The following SCAPER variants were observed in gnomAD, a reference collection of about 807,000 sequenced individuals.
SCAPER encodes the protein S phase cyclin A-associated protein in the endoplasmic reticulum.
In SCAPER, 98 loss-of-function variants were observed where a neutral mutation model predicts 182.2. The ratio of observed to expected loss-of-function variants is 0.54; its 90% CI spans 0.46 to 0.64. The LOEUF (loss-of-function observed/expected upper bound fraction) is 0.64. SCAPER is among the 30% of genes least tolerant of loss of function. The pLI is 0.00. For synonymous variants in SCAPER, 605 were observed against 564.6 expected, an observed-to-expected ratio of 1.07 and a Z score of -1.01; for missense variants, 1,432 against 1,690.0, an observed-to-expected ratio of 0.85 and a Z score of 2.68.
At chr15:76,552,913 G>A (rs2045899588) in intron 23 of SCAPER, among the ~76,000 whole-genome samples, 1 of 152,162 alleles carries the variant, frequency 6.6e-6, no homozygotes, top group Non-Finnish European at 1.5e-5. Flanking sequence ...TTCTTACTGG[G>A]CCGCTTCCAA....
chr15:76,493,469 A>G (rs2052530836), intron 24 of SCAPER, among the ~76,000 whole-genome samples: 1 of 152,168 alleles, frequency 6.6e-6, no homozygotes, highest in Admixed American at 6.5e-5. Context: ...ACACCAATCT[A>G]ATTAGACTTT....
chr15:76,502,585 G>C (rs1041876678), intron 24 of SCAPER, among the ~76,000 whole-genome samples: 27 of 152,188 alleles, frequency 1.8e-4, no homozygotes, highest in Admixed American at 1.4e-3. Context: ...GGTGGGAGGA[G>C]GGGGGAGGGA....
chr15:76,558,570 T>C (rs1160404669), intron 23 of SCAPER, among the ~76,000 whole-genome samples: 5 of 152,152 alleles, frequency 3.3e-5, no homozygotes, highest in African/African-American at 1.2e-4. Flanking sequence ...TTATATACTG[T>C]TGGTGGGAAA....
At chr15:76,677,770 G>A (rs890163583) in intron 20 of SCAPER, among the ~76,000 whole-genome samples, 8 of 148,164 alleles carry the variant, frequency 5.4e-5, no homozygotes, top group Non-Finnish European at 8.9e-5. Flanking sequence ...ATAATTTACC[G>A]TATTCTATGA....
chr15:76,475,641 A>G (rs544395668), intron 24 of SCAPER, among the ~76,000 whole-genome samples: 1 of 152,250 alleles, frequency 6.6e-6, no homozygotes, highest in South Asian at 2.1e-4. Flanking sequence ...AGAGCAGGGA[A>G]ATTCTTTCTT....
chr15:76,665,885 G>T, intron 20 of SCAPER, 96 bp from the exon 21 acceptor site: 1 of 1,036,092 alleles, frequency 9.7e-7, no homozygotes, highest in Non-Finnish European at 1.3e-6. Flanking sequence ...GACATTTGAT[G>T]AAACTAAAAG....
intron 29 of SCAPER, among the ~76,000 whole-genome samples, chr15:76,360,784 G>A (rs114987474): frequency 0.031 from 4,708 of 152,240 alleles, 230 homozygotes; most frequent in African/African-American, 0.1. Flanking sequence ...ATTATCAGAT[G>A]TAAGAACTTG....
At chr15:76,813,088 G>C (rs149073375) in intron 5 of SCAPER, among the ~76,000 whole-genome samples, 9 of 151,834 alleles carry the variant, frequency 5.9e-5, no homozygotes, top group Non-Finnish European at 1.3e-4. Context: ...ATGAATCCCT[G>C]AGCTGCAAGG....
intron 26 of SCAPER, among the ~76,000 whole-genome samples, chr15:76,417,457 A>G (rs1303990181): frequency 1.3e-5 from 2 of 152,254 alleles, no homozygotes; most frequent in African/African-American, 4.8e-5. Context: ...TAGGTGCTGG[A>G]GGATTAACTG....
At chr15:76,568,959 C>T (rs2047243417) in intron 23 of SCAPER, among the ~76,000 whole-genome samples, 2 of 151,854 alleles carry the variant, frequency 1.3e-5, no homozygotes, top group African/African-American at 4.8e-5. Flanking sequence ...CTTATTTGTG[C>T]TATTTATCTG....
chr15:76,660,383 C>T (rs985793355), intron 21 of SCAPER, among the ~76,000 whole-genome samples: 3 of 152,048 alleles, frequency 2.0e-5, no homozygotes, highest in Non-Finnish European at 4.4e-5. Context: ...TACCCCTGAA[C>T]CTAAAATAAA....
At chr15:76,798,112 C>T (rs1238020588) in intron 7 of SCAPER, among the ~76,000 whole-genome samples, 1 of 152,052 alleles carries the variant, frequency 6.6e-6, no homozygotes, top group Non-Finnish European at 1.5e-5. Flanking sequence ...GTAATCCTAG[C>T]ACATTGGGAG....
intron 14 of SCAPER, among the ~76,000 whole-genome samples, chr15:76,756,991 C>G (rs2062474206): frequency 8.4e-6 from 1 of 118,610 alleles, no homozygotes; most frequent in South Asian, 3.4e-4. Context: ...TACACAGACT[C>G]TCTTCTGTAA....
intron 5 of SCAPER, among the ~76,000 whole-genome samples, chr15:76,813,103 T>C (rs1414764294): frequency 6.6e-6 from 1 of 151,182 alleles, no homozygotes; most frequent in Non-Finnish European, 1.5e-5. Context: ...GCAAGGATGG[T>C]TCAATACATG....
At chr15:76,569,201 T>C (rs1405139917) in intron 23 of SCAPER, among the ~76,000 whole-genome samples, 3 of 152,186 alleles carry the variant, frequency 2.0e-5, no homozygotes, top group Non-Finnish European at 4.4e-5. Context: ...GTAGATTCAA[T>C]TTGTCAGATT....
chr15:76,661,803 C>CA (rs754785119), intron 21 of SCAPER, among the ~76,000 whole-genome samples: 2 of 152,262 alleles, frequency 1.3e-5, no homozygotes, highest in East Asian at 3.9e-4. Context: ...ACCAGAAACA[C>CA]CATTTGATCT....
At chr15:76,635,835 A>T (rs2053548770) in intron 21 of SCAPER, among the ~76,000 whole-genome samples, 1 of 152,146 alleles carries the variant, frequency 6.6e-6, no homozygotes, top group South Asian at 2.1e-4. Context: ...GTTCCCCTTC[A>T]TTCTATTAAT....
At chr15:76,865,810 C>T (rs762291709) in intron 2 of SCAPER, among the ~76,000 whole-genome samples, 5 of 152,134 alleles carry the variant, frequency 3.3e-5, no homozygotes, top group Non-Finnish European at 5.9e-5. Flanking sequence ...TCACTTTTTA[C>T]GTCTTTAATG....
chr15:76,463,517 C>T lies in SCAPER; in HGVS notation c.3078+7695G>A, dbSNP rs552119345. ...TCATATCAATTATTTAAGGTTAGTA[C>T]ATCACTTTTCAATTAACAATCTCCT... On this transcript the variant is annotated intron_variant, in intron 25 of 31. Coordinates refer to ENST00000563290, the MANE Select transcript of SCAPER (RefSeq NM_020843.4). Among the ~76,000 whole-genome samples, 4 of 152,216 alleles carry T rather than the reference C, an allele frequency of 2.6e-5. No individual in the cohort carries two copies. In the East Asian group the frequency reaches 5.8e-4, roughly 22 times the overall value.
Sources: gnomAD v4.1 joint callset for allele counts (sites outside exome capture counted in the v4.1 genomes callset) on GRCh38, gnomAD v4.1.1 for gene constraint, MANE v1.5 for transcripts, NCBI Gene and HGNC (gene_info 2026-07-23, HGNC 2026-07-21) for gene names.